MYCBP2: variants seen among roughly 807,000 people sequenced by gnomAD.
The protein encoded by MYCBP2 is E3 ubiquitin-protein ligase MYCBP2.
A neutral mutation model predicts 525.3 loss-of-function variants in MYCBP2; 120 were observed. The ratio of observed to expected loss-of-function variants is 0.23; its 90% confidence interval spans 0.20 to 0.27. The LOEUF (loss-of-function observed/expected upper bound fraction) is 0.27. MYCBP2 is among the 10% of genes least tolerant of loss of function. MYCBP2 has a pLI of 1.00. For synonymous variants in MYCBP2, 1,894 were observed against 1,955.8 expected (o/e 0.97, Z 0.83); for missense variants, 4,149 against 5,657.1 (o/e 0.73, Z 8.55).
chr13:77,306,157 G>C (rs1719940184), intron 1 of MYCBP2, among the ~76,000 whole-genome samples: 1 of 152,040 alleles, frequency 6.6e-6, no homozygotes, highest in Non-Finnish European at 1.5e-5. Flanking sequence ...GAATTAACAA[G>C]GGAATTATCA....
At chr13:77,214,475 G>C (rs2064509081) in intron 21 of MYCBP2, among the ~76,000 whole-genome samples, 1 of 152,064 alleles carries the variant, frequency 6.6e-6, no homozygotes, top group South Asian at 2.1e-4. Context: ...AGAGCTTTAT[G>C]AATTGATATG....
chr13:77,056,253 GC>G (rs1285930880), intron 79 of MYCBP2, among the ~76,000 whole-genome samples: 1 of 151,706 alleles, frequency 6.6e-6, no homozygotes, highest in Non-Finnish European at 1.5e-5. Context: ...AATATTTGTA[GC>G]ACCATATGAT....
chr13:77,194,194 A>C lies in MYCBP2; in HGVS notation c.3894T>G (p.Leu1298=), dbSNP rs756784407. 8 of 1,613,630 alleles carry C rather than the reference A, an allele frequency of 5.0e-6. No homozygotes were observed. The South Asian group carries it at 8.8e-5, about 18-fold the overall frequency. Residue 1298 remains leucine (L), a synonymous_variant, in exon 27 of 83, where the codon CTT becomes CTG. Coordinates refer to ENST00000544440, the MANE Select transcript of MYCBP2 (RefSeq NM_015057.5). ...AAGCCAATACATCAGTCTCTGCAAG[A>C]AGGTCACCATCAGTTTCATGATCTC... ...DGGDHETDGD[L]LAETDVLAYD...
At position 77,326,423 on chromosome 13, in the gene MYCBP2, G is replaced by A. The variant is rs1245522294; in HGVS notation, c.302+51C>T. ...CACGCGGGTGCACGCGCGGCATGGG[G>A]CGCAAGGAAGGGCGGCATGGGGCGC... is the stretch of plus-strand genomic sequence containing the variant. On this transcript the variant is annotated intron_variant, in intron 1 of 82. Coordinates refer to ENST00000544440, the MANE Select transcript of MYCBP2 (RefSeq NM_015057.5). This position sits in a 1 kb window ranked among gnomAD's most constrained non-coding sequence, Gnocchi z 4.2. 1.3e-6 allele frequency: 2 copies of A among 1,485,636 alleles called. No individual in the cohort carries two copies. Among genetic ancestry groups the A allele is most frequent in the Non-Finnish European group, 1.8e-6 (2 of 1,121,854 alleles). 92.0% of individuals were successfully genotyped at this position (1,485,636 alleles called of 1,614,324 possible). A position where few individuals can be genotyped will look rare whatever the true frequency, so the allele number is the denominator to read the frequency against.
intron 52 of MYCBP2, among the ~76,000 whole-genome samples, chr13:77,133,873 T>C (rs1047581077): frequency 9.2e-5 from 14 of 152,214 alleles, no homozygotes; most frequent in Non-Finnish European, 1.5e-4. Flanking sequence ...AATTTAATTA[T>C]GTGAATATGG....
chr13:77,162,058 T>C (rs1595025861), intron 43 of MYCBP2, 103 bp from the exon 44 acceptor site: 1 of 768,122 alleles, frequency 1.3e-6, no homozygotes, highest in Non-Finnish European at 2.1e-6. Flanking sequence ...AAAATAATTC[T>C]GCTATTCCAG....
At position 77,098,728 on chromosome 13, in the gene MYCBP2, C is replaced by A; in HGVS notation, c.8426G>T (p.Arg2809Ile). 6.2e-7 allele frequency: 1 copy of A among 1,613,422 alleles called. No individual in the cohort carries two copies. Among genetic ancestry groups the A allele is most frequent in the African/African-American group, 1.3e-5 (1 of 74,854 alleles). The change falls in exon 56 of 83, where the codon AGA (arginine) becomes ATA (isoleucine). Residue 2809 changes from arginine (R) to isoleucine (I), a missense_variant. By Grantham distance (97) the Arg-to-Ile change is moderately conservative. Coordinates refer to ENST00000544440, the MANE Select transcript of MYCBP2 (RefSeq NM_015057.5). ...KSDGRMPSSS[R>I]AESPGPGSRL... ...AGAACCTGGTCCTGGGGATTCAGCT[C>A]TGGAGCTAGAAGGCATCCTCCCATC...
At chr13:77,089,962 T>C (rs2045105230) in intron 60 of MYCBP2, 144 bp downstream of exon 60, 6 of 661,406 alleles carry the variant, frequency 9.1e-6, no homozygotes, top group Middle Eastern at 4.4e-4. Context: ...CTATGTCATA[T>C]AGAAGGAATG....
At chr13:77,093,944 G>T (rs974999938) in intron 58 of MYCBP2, among the ~76,000 whole-genome samples, 3 of 152,080 alleles carry the variant, frequency 2.0e-5, no homozygotes, top group Non-Finnish European at 4.4e-5. Context: ...CATTTTTCAC[G>T]TTTTACAATT....
intron 63 of MYCBP2, 27 bp from the exon 64 acceptor site, chr13:77,082,020 A>G: frequency 6.3e-7 from 1 of 1,599,452 alleles, no homozygotes; most frequent in Non-Finnish European, 8.5e-7. Flanking sequence ...TAAGCAATAT[A>G]CGAAATAATT....
intron 20 of MYCBP2, among the ~76,000 whole-genome samples, chr13:77,223,748 C>G (rs1027194195): frequency 5.3e-5 from 8 of 152,120 alleles, no homozygotes; most frequent in African/African-American, 1.9e-4. Context: ...AGCCAGCAAG[C>G]TGGGAAGAGA....
chr13:77,199,418 G>C (rs1282670131), intron 26 of MYCBP2, among the ~76,000 whole-genome samples: 1 of 152,248 alleles, frequency 6.6e-6, no homozygotes, highest in African/African-American at 2.4e-5. Flanking sequence ...CTGATTGCTA[G>C]CACAGCAGTC....
chr13:77,169,729 A>G lies in MYCBP2; in HGVS notation c.5795-15T>C, dbSNP rs983233020. On this transcript the variant is annotated splice_polypyrimidine_tract_variant and intron_variant, in intron 38 of 82. Coordinates refer to ENST00000544440, the MANE Select transcript of MYCBP2 (RefSeq NM_015057.5). ...AATGTCATCAGCTAAAAAAAGGCAT[A>G]AAAGGCATTAAAACTATAGTCAGAA... 5 of 1,587,888 alleles carry G rather than the reference A, an allele frequency of 3.1e-6. No individual in the cohort carries two copies. Among genetic ancestry groups the G allele is most frequent in the Non-Finnish European group, 4.3e-6 (5 of 1,156,744 alleles).
At chr13:77,245,772 C>T (rs2069789352) in intron 15 of MYCBP2, among the ~76,000 whole-genome samples, 1 of 150,648 alleles carries the variant, frequency 6.6e-6, no homozygotes, top group African/African-American at 2.4e-5. Context: ...CACACACACA[C>T]ACACACACAC....
At chr13:77,071,208 C>T (rs565090165) in intron 68 of MYCBP2, among the ~76,000 whole-genome samples, 11 of 150,176 alleles carry the variant, frequency 7.3e-5, no homozygotes, top group South Asian at 2.1e-4. Flanking sequence ...CGCTGTTCTT[C>T]TAAGTGCCAC....
chr13:77,103,806 GTGTT>G (rs938707405), intron 55 of MYCBP2, among the ~76,000 whole-genome samples: 3 of 151,986 alleles, frequency 2.0e-5, no homozygotes, highest in Non-Finnish European at 4.4e-5. Context: ...GGGTGACACT[GTGTT>G]TGGCTACTTT....
intron 38 of MYCBP2, 132 bp downstream of exon 38, chr13:77,171,360 A>G (rs2059125902): frequency 1.3e-5 from 11 of 850,758 alleles, no homozygotes; most frequent in Non-Finnish European, 2.0e-5. Context: ...AAATTAATCC[A>G]TGGGTGGATC....
chr13:77,273,468 A>G lies in MYCBP2; in HGVS notation c.945+4T>C. ...ACTTCTAAGCAGATATAAATATGAA[A>G]TACCTGAATAGTTTGGCAAGCATGG... On this transcript the variant is annotated splice_donor_region_variant and intron_variant, in intron 5 of 82. Transcript: ENST00000544440. 6.4e-7 allele frequency: 1 copy of G among 1,567,492 alleles called. No individual in the cohort carries two copies.
At position 77,169,728 on chromosome 13, in the gene MYCBP2, TA is replaced by T; in HGVS notation, c.5795-15del. ...GAATGTCATCAGCTAAAAAAAGGCATAAAAGGCATTAAAACTATAGTCAGAA... is the reference window on the plus strand; with the variant it reads ...GAATGTCATCAGCTAAAAAAAGGCATAAAGGCATTAAAACTATAGTCAGAA... On this transcript the variant is annotated splice_polypyrimidine_tract_variant and intron_variant, in intron 38 of 82. Coordinates refer to ENST00000544440, the MANE Select transcript of MYCBP2 (RefSeq NM_015057.5). 1.9e-6 allele frequency: 3 copies of T among 1,587,820 alleles called. No homozygotes were observed. The highest frequency in any genetic ancestry group is 1.3e-5 in the African/African-American group (1 of 74,438).
Sources: allele counts gnomAD v4.1 joint callset (sites outside exome capture counted in the v4.1 genomes callset), GRCh38; gene constraint gnomAD v4.1.1; non-coding constraint Gnocchi (gnomAD v3.1); transcripts MANE v1.5; gene names NCBI Gene and HGNC (gene_info 2026-07-23, HGNC 2026-07-21).